The following DCLK1 variants were observed in gnomAD, a reference collection of about 807,000 sequenced individuals.
DCLK1 encodes doublecortin like kinase 1.
Under a neutral mutation model 86.2 loss-of-function variants are expected in DCLK1, and 16 were observed. That is an observed-to-expected ratio of 0.19 (90% CI 0.13 to 0.28). The LOEUF (loss-of-function observed/expected upper bound fraction) is 0.28. Among genes scored for constraint, DCLK1 ranks in the 10% least tolerant of loss-of-function variants. The pLI, the probability that DCLK1 is intolerant of heterozygous loss-of-function variation, is 1.00. For synonymous variants in DCLK1, 369 were observed against 370.5 expected (o/e 1.00, Z 0.05); for missense variants, 590 against 940.2 (o/e 0.63, Z 4.87).
chr13:36,098,606 T>C (rs1885093255), intron 3 of DCLK1, among the ~76,000 whole-genome samples: 4 of 152,204 alleles, frequency 2.6e-5, no homozygotes, highest in Admixed American at 1.3e-4. Context: ...TTGCCAATCC[T>C]CAAAATAGAT....
intron 3 of DCLK1, among the ~76,000 whole-genome samples, chr13:35,984,551 C>T (rs1487346682): frequency 6.6e-6 from 1 of 152,146 alleles, no homozygotes; most frequent in Non-Finnish European, 1.5e-5. Flanking sequence ...ACTCTGACAC[C>T]CAAACTGCCT....
At chr13:36,071,475 G>A (rs936658045) in intron 3 of DCLK1, among the ~76,000 whole-genome samples, 4 of 152,188 alleles carry the variant, frequency 2.6e-5, no homozygotes, top group African/African-American at 7.2e-5. Flanking sequence ...AGATGAAATG[G>A]GGTAGAAACT....
intron 4 of DCLK1, among the ~76,000 whole-genome samples, chr13:35,894,168 T>C (rs1044637892): frequency 6.6e-6 from 1 of 152,040 alleles, no homozygotes; most frequent in Non-Finnish European, 1.5e-5. Context: ...AACCCTTGTA[T>C]CTGAAATACT....
At chr13:36,002,228 C>G (rs1206153405) in intron 3 of DCLK1, among the ~76,000 whole-genome samples, 1 of 152,122 alleles carries the variant, frequency 6.6e-6, no homozygotes, top group African/African-American at 2.4e-5. Context: ...CAAACATTTC[C>G]AAAACAAGTA....
At chr13:36,114,810 A>G (rs544800524) in intron 2 of DCLK1, among the ~76,000 whole-genome samples, 2 of 152,336 alleles carry the variant, frequency 1.3e-5, no homozygotes, top group African/African-American at 4.8e-5. Flanking sequence ...GATTATTATA[A>G]ATTAACAAAC....
At chr13:36,109,463 G>A (rs1367886897) in intron 3 of DCLK1, among the ~76,000 whole-genome samples, 1 of 152,224 alleles carries the variant, frequency 6.6e-6, no homozygotes, top group Non-Finnish European at 1.5e-5. Flanking sequence ...GTGTGGTCTT[G>A]TGCATGTTTT....
intron 4 of DCLK1, among the ~76,000 whole-genome samples, chr13:35,922,165 C>T (rs1875840332): frequency 6.6e-6 from 1 of 152,142 alleles, no homozygotes; most frequent in South Asian, 2.1e-4. Flanking sequence ...TGCTATTTCT[C>T]TTAAGATCAT....
chr13:35,954,050 C>T (rs115212251), intron 3 of DCLK1, among the ~76,000 whole-genome samples: 309 of 152,230 alleles, frequency 2.0e-3, no homozygotes, highest in African/African-American at 6.8e-3. Flanking sequence ...TTGCAATTAT[C>T]GAGTATGGCA....
chr13:35,816,488 C>A (rs1450788949), intron 11 of DCLK1, among the ~76,000 whole-genome samples: 1 of 152,210 alleles, frequency 6.6e-6, no homozygotes, highest in Non-Finnish European at 1.5e-5. Context: ...TTACCACTGT[C>A]ATTTATTGTA....
intron 6 of DCLK1, among the ~76,000 whole-genome samples, chr13:35,853,721 C>A (rs539124103): frequency 2.0e-5 from 3 of 152,316 alleles, no homozygotes; most frequent in South Asian, 2.1e-4. Flanking sequence ...CTCCTAGGAG[C>A]GTACATTCCC....
In DCLK1 at chr13:35,845,017, G is replaced by A. The variant is rs193030262; in HGVS notation, c.1036-5841C>T. 7.8e-4 allele frequency among the ~76,000 whole-genome samples: 119 copies of A among 152,326 alleles called. 1 individual carries two copies. The highest frequency in any genetic ancestry group is 6.5e-3 in the Admixed American group (100 of 15,302). ...AATCCCAGCACTTTGGGAGGCTGAGGTGGGTGGATCACTTGAGGTCAGGAG... is the reference window on the plus strand; with the variant it reads ...AATCCCAGCACTTTGGGAGGCTGAGATGGGTGGATCACTTGAGGTCAGGAG... On this transcript the variant is annotated intron_variant, in intron 6 of 16. Coordinates refer to ENST00000360631, the MANE Select transcript of DCLK1 (RefSeq NM_001330071.2).
chr13:36,127,055 G>A (rs1886212213), intron 1 of DCLK1, among the ~76,000 whole-genome samples: 1 of 152,184 alleles, frequency 6.6e-6, no homozygotes, highest in South Asian at 2.1e-4. Flanking sequence ...TGAAAGAGAA[G>A]TAGCTATGGT....
intron 16 of DCLK1, among the ~76,000 whole-genome samples, chr13:35,776,452 G>T (rs951020653): frequency 1.3e-5 from 2 of 152,178 alleles, no homozygotes; most frequent in African/African-American, 4.8e-5. Flanking sequence ...GCATTGGAAT[G>T]AATTCTGACT....
At chr13:36,003,191 G>T (rs1303404295) in intron 3 of DCLK1, among the ~76,000 whole-genome samples, 1 of 152,158 alleles carries the variant, frequency 6.6e-6, no homozygotes, top group African/African-American at 2.4e-5. Context: ...AAATTTTCCA[G>T]GCTCAGAATG....
At chr13:35,942,233 C>A (rs1454258637) in intron 4 of DCLK1, among the ~76,000 whole-genome samples, 2 of 151,922 alleles carry the variant, frequency 1.3e-5, no homozygotes, top group Non-Finnish European at 2.9e-5. Flanking sequence ...GTGGTGTGAT[C>A]TTGGCTCACT....
At chr13:36,043,155 T>C (rs1376358879) in intron 3 of DCLK1, among the ~76,000 whole-genome samples, 1 of 152,114 alleles carries the variant, frequency 6.6e-6, no homozygotes, top group East Asian at 1.9e-4. Flanking sequence ...GATACAGTCA[T>C]TTACAGCATT....
chr13:35,989,743 G>A (rs1457311540), intron 3 of DCLK1, among the ~76,000 whole-genome samples: 1 of 145,010 alleles, frequency 6.9e-6, no homozygotes, highest in Non-Finnish European at 1.5e-5. Context: ...AAGAGACAGG[G>A]GTCTGATTAT....
intron 3 of DCLK1, among the ~76,000 whole-genome samples, chr13:36,063,754 T>C (rs1212606748): frequency 6.6e-6 from 1 of 152,232 alleles, no homozygotes; most frequent in African/African-American, 2.4e-5. Flanking sequence ...TGGTGTATTT[T>C]TCCTAGTAGC....
chr13:36,109,292 G>T (rs2138184425), intron 3 of DCLK1, among the ~76,000 whole-genome samples: 1 of 152,304 alleles, frequency 6.6e-6, no homozygotes, highest in Admixed American at 6.5e-5. Context: ...GGGAAAAAAA[G>T]GACAGAGCAG....
Sources: allele counts gnomAD v4.1 joint callset (sites outside exome capture counted in the v4.1 genomes callset), GRCh38; gene constraint gnomAD v4.1.1; transcripts MANE v1.5; gene names NCBI Gene and HGNC (gene_info 2026-07-23, HGNC 2026-07-21).